Variants in PTS observed in about 807,000 individuals in gnomAD.
PTS encodes the protein 6-pyruvoyl tetrahydrobiopterin synthase.
A neutral mutation model predicts 20.6 loss-of-function variants in PTS; 23 were observed. That is an observed-to-expected ratio of 1.12 (90% CI 0.80 to 1.58). The LOEUF (loss-of-function observed/expected upper bound fraction) is 1.58. Among genes scored for constraint, PTS ranks in the 40% most tolerant of loss-of-function variants. The pLI is 0.00. For synonymous variants in PTS, 65 were observed against 62.5 expected (o/e 1.04, Z -0.19); for missense variants, 186 against 182.4 (o/e 1.02, Z -0.11).
intron 1 of PTS, chr11:112,228,384 A>T (rs144024282): frequency 3.4e-6 from 2 of 595,774 alleles, no homozygotes; most frequent in African/African-American, 3.7e-5. Flanking sequence ...TTTGTATGGT[A>T]CAATCTTCTA....
chr11:112,233,516 C>T lies in PTS; in HGVS notation c.399C>T (p.Tyr133=), dbSNP rs199603175. ...GAGTTCTTTATAAAGTAAAAGTATA[C>T]GAAACTGACAATAATATTGTGGTTT... ...PVGVLYKVKV[Y]ETDNNIVVYK... The change falls in exon 6 of 6, where the codon TAC becomes TAT. Residue 133 remains tyrosine, a synonymous_variant. Coordinates refer to ENST00000280362, the MANE Select transcript of PTS (RefSeq NM_000317.3). 2.8e-5 allele frequency: 45 copies of T among 1,613,026 alleles called. No homozygotes were observed. Among genetic ancestry groups the T allele is most frequent in the African/African-American group, 6.7e-5 (5 of 74,716 alleles).
rs775612634 is a variant in PTS at position 112,226,538 on chromosome 11, A to G, written c.83+12A>G. On this transcript the variant is annotated intron_variant, in intron 1 of 5. Coordinates refer to ENST00000280362, the MANE Select transcript of PTS (RefSeq NM_000317.3). ...CACCGATTGTACAGGTAGGGTGTGC[A>G]CACAGGTACAGCGGCGGGCGGTGGG... 4 of 1,567,950 alleles carry G rather than the reference A, an allele frequency of 2.6e-6. No homozygotes were observed. In the East Asian group the frequency reaches 9.4e-5, roughly 37 times the overall value.
In PTS at chr11:112,228,608, A is replaced by G. The variant is rs201575138; in HGVS notation, c.98A>G (p.Asp33Gly). The G allele has an allele frequency of 1.9e-6, 3 of 1,592,218 alleles. No homozygotes were observed. Among genetic ancestry groups the G allele is most frequent in the Admixed American group, 1.7e-5 (1 of 58,670 alleles). The change falls in exon 2 of 6, where the codon GAT (aspartate) becomes GGT (glycine). Residue 33 changes from aspartate to glycine, a missense_variant. Coordinates refer to ENST00000280362, the MANE Select transcript of PTS (RefSeq NM_000317.3). ...SHRLYSKFLS[D>G]EENLKLFGKC... ...TTTTTGGTCAGTAAATTTCTAAGTG[A>G]TGAAGAAAACTTGAAACTGTTTGGG...
At chr11:112,231,789 CT>C (rs1198666014) in intron 4 of PTS, among the ~76,000 whole-genome samples, 3 of 148,318 alleles carry the variant, frequency 2.0e-5, no homozygotes, top group African/African-American at 7.5e-5. Context: ...AGAAACAGCA[CT>C]ATGCTCAAAA....
At chr11:112,231,827 G>A (rs754397149) in intron 4 of PTS, among the ~76,000 whole-genome samples, 5 of 147,460 alleles carry the variant, frequency 3.4e-5, no homozygotes, top group Admixed American at 6.9e-5. Context: ...TACAGATAGG[G>A]CCAGCATGCA....
rs1047913576 is a variant in PTS at position 112,233,921 on chromosome 11, A to G, written c.*366A>G. ...TATAATATACATGGTTAAAATGCTT[A>G]TGTGACTTCGAGTAGGTGAATCTTA... On this transcript the variant is annotated 3_prime_UTR_variant, in exon 6 of 6. Coordinates refer to ENST00000280362, the MANE Select transcript of PTS (RefSeq NM_000317.3). 1.2e-5 allele frequency: 2 copies of G among 164,902 alleles called. No individual in the cohort carries two copies. The highest frequency in any genetic ancestry group is 4.8e-5 in the African/African-American group (2 of 41,568). The allele number at this position is 164,902 out of a possible 1,614,324, so 10.2% of individuals were successfully genotyped here. A position where few individuals can be genotyped will look rare whatever the true frequency, so the allele number is the denominator to read the frequency against.
chr11:112,228,879 C>G lies in PTS; in HGVS notation c.163+206C>G. 5 of 604,898 alleles carry G rather than the reference C, an allele frequency of 8.3e-6. No individual in the cohort carries two copies. The East Asian group carries it at 1.1e-4, about 14-fold the overall frequency. 37.5% of individuals were successfully genotyped at this position (604,898 alleles called of 1,614,324 possible). ...TTTTACCTTGCAATGTCAACTCTTA[C>G]AAACAGTCCAAAACAATGAATGGTT... On this transcript the variant is annotated intron_variant, in intron 2 of 5. Coordinates refer to ENST00000280362, the MANE Select transcript of PTS (RefSeq NM_000317.3).
intron 2 of PTS, 75 bp from the exon 3 acceptor site, chr11:112,230,133 G>A (rs1465477236): frequency 4.3e-6 from 6 of 1,396,774 alleles, no homozygotes; most frequent in Middle Eastern, 3.5e-4. Flanking sequence ...GTGCTTGTAT[G>A]TTGCTAACTT....
chr11:112,228,573 T>G, intron 1 of PTS, 21 bp from the exon 2 acceptor site: 1 of 914,376 alleles, frequency 1.1e-6, no homozygotes, highest in Non-Finnish European at 1.5e-6. Context: ...CATGCTGACT[T>G]TTTTTTTTTT....
intron 1 of PTS, 22 bp downstream of exon 1, chr11:112,226,548 A>T: frequency 6.6e-7 from 1 of 1,525,232 alleles, no homozygotes; most frequent in Non-Finnish European, 8.8e-7. Flanking sequence ...ACACAGGTAC[A>T]GCGGCGGGCG....
At chr11:112,230,288 G>A in intron 3 of PTS, 58 bp downstream of exon 3, 2 of 1,562,904 alleles carry the variant, frequency 1.3e-6, no homozygotes, top group South Asian at 1.1e-5. Flanking sequence ...CTTTCAGCCA[G>A]TGTGGTGGAT....
At chr11:112,231,081 G>T in intron 4 of PTS, among the ~76,000 whole-genome samples, 1 of 150,906 alleles carries the variant, frequency 6.6e-6, no homozygotes. Flanking sequence ...GGTAGAGGTA[G>T]GGGTCTCACT....
At chr11:112,232,290 G>T (rs1224859080) in intron 4 of PTS, among the ~76,000 whole-genome samples, 1 of 152,174 alleles carries the variant, frequency 6.6e-6, no homozygotes, top group Non-Finnish European at 1.5e-5. Flanking sequence ...AGGCTTTAAT[G>T]GAGAAATTGG....
chr11:112,230,837 G>A (rs575383577), intron 4 of PTS, among the ~76,000 whole-genome samples, 155 bp downstream of exon 4: 1 of 152,132 alleles, frequency 6.6e-6, no homozygotes, highest in African/African-American at 2.4e-5. Flanking sequence ...AGAACTGCTC[G>A]CATGGCCTCT....
Position 112,233,668 on chromosome 11 carries a change from C to T in PTS, c.*113C>T, listed in dbSNP as rs1592882233. ...GTGATTGTTGTACGTACACATTGTG[C>T]TCTGGAGTGCCTATTTATTGAAATC... On this transcript the variant is annotated 3_prime_UTR_variant, in exon 6 of 6. Coordinates refer to ENST00000280362, the MANE Select transcript of PTS (RefSeq NM_000317.3). 4.7e-6 allele frequency: 7 copies of T among 1,477,932 alleles called. No homozygotes were observed. Among genetic ancestry groups the T allele is most frequent in the East Asian group, 4.7e-5 (2 of 42,704 alleles). The allele number at this position is 1,477,932 out of a possible 1,614,324, so 91.6% of individuals were successfully genotyped here. A position where few individuals can be genotyped will look rare whatever the true frequency, so the allele number is the denominator to read the frequency against.
chr11:112,230,389 C>T (rs1037094988), intron 3 of PTS, 159 bp downstream of exon 3: 5 of 949,556 alleles, frequency 5.3e-6, no homozygotes, highest in Non-Finnish European at 6.9e-6. Context: ...CAGGCCTCTC[C>T]TCTACCAAAG....
Position 112,228,911 on chromosome 11 carries a change from A to G in PTS, c.163+238A>G. Reference sequence around the variant, plus strand: ...TCCAAAACAATGAATGGTTTAAAGCATTTTTCTTTGTCCTAGAGTACACAA... The same window carrying G: ...TCCAAAACAATGAATGGTTTAAAGCGTTTTTCTTTGTCCTAGAGTACACAA... On this transcript the variant is annotated intron_variant, in intron 2 of 5. Transcript: ENST00000280362. 3 of 554,062 alleles carry G rather than the reference A, an allele frequency of 5.4e-6. No homozygotes were observed. In the South Asian group the frequency reaches 6.5e-5, roughly 12 times the overall value. 34.3% of individuals were successfully genotyped at this position (554,062 alleles called of 1,614,324 possible).
At chr11:112,226,663 C>T (rs1859869380) in intron 1 of PTS, 137 bp downstream of exon 1, 4 of 531,954 alleles carry the variant, frequency 7.5e-6, no homozygotes, top group Non-Finnish European at 1.2e-5. Context: ...CGCTGGTCGG[C>T]TTCGTGGGGC....
intron 4 of PTS, among the ~76,000 whole-genome samples, chr11:112,232,083 C>T (rs1331435307): frequency 6.6e-6 from 1 of 152,064 alleles, no homozygotes; most frequent in Non-Finnish European, 1.5e-5. Flanking sequence ...TGAAGGACAC[C>T]ACACACTTTC....
Sources: gnomAD v4.1 joint callset for allele counts (sites outside exome capture counted in the v4.1 genomes callset) on GRCh38, gnomAD v4.1.1 for gene constraint, MANE v1.5 for transcripts, NCBI Gene and HGNC (gene_info 2026-07-23, HGNC 2026-07-21) for gene names.